Variants in GPC4 observed in about 807,000 individuals in gnomAD.
The protein encoded by GPC4 is glypican-4.
GPC4 carries 10 observed loss-of-function variants against 35.0 expected under a neutral mutation model. That is an observed-to-expected ratio of 0.29 (90% CI 0.18 to 0.48). The LOEUF (loss-of-function observed/expected upper bound fraction) is 0.48, where lower values mean the gene tolerates loss of function less well. Ranked by LOEUF, GPC4 falls within the 20% of genes least tolerant of loss-of-function variation. The pLI, the probability that GPC4 is intolerant of heterozygous loss-of-function variation, is 0.99. For missense variants in GPC4, 322 were observed against 451.3 expected (o/e 0.71, Z 2.60); for synonymous variants, 167 against 170.2 (o/e 0.98, Z 0.15).
intron 2 of GPC4, among the ~76,000 whole-genome samples, chrX:133,326,232 C>A (rs758758724): frequency 9.0e-6 from 1 of 111,212 alleles, no homozygotes; most frequent in Non-Finnish European, 1.9e-5. Flanking sequence ...AGTGAGAGGG[C>A]AGAAACTGCA....
chrX:133,313,171 A>C (rs1478758271), intron 3 of GPC4, among the ~76,000 whole-genome samples: 1 of 111,682 alleles, frequency 9.0e-6, no homozygotes, highest in Non-Finnish European at 1.9e-5. Flanking sequence ...GTTACTTTGG[A>C]TATCACTTAT....
At chrX:133,405,734 T>C (rs2124184534) in intron 1 of GPC4, among the ~76,000 whole-genome samples, 1 of 112,336 alleles carries the variant, frequency 8.9e-6, no homozygotes, top group East Asian at 2.8e-4. Flanking sequence ...ACTGGGAAAC[T>C]GGATAACCAA....
intron 1 of GPC4, among the ~76,000 whole-genome samples, chrX:133,399,032 T>A (rs1409344786): frequency 9.0e-6 from 1 of 111,052 alleles, no homozygotes; most frequent in Non-Finnish European, 1.9e-5. Context: ...ACCTGCCCAC[T>A]CGGTCACCAT....
chrX:133,323,167 G>GC, intron 3 of GPC4, among the ~76,000 whole-genome samples: 1 of 111,575 alleles, frequency 9.0e-6, no homozygotes, highest in Admixed American at 9.5e-5. Context: ...GGCCCCTAAA[G>GC]CAATATCCTG....
At chrX:133,366,019 A>G (rs766076286) in intron 1 of GPC4, among the ~76,000 whole-genome samples, 4 of 112,137 alleles carry the variant, frequency 3.6e-5, no homozygotes, top group Admixed American at 2.8e-4. Context: ...CAGAAAGGAT[A>G]TAACACTACA....
intron 7 of GPC4, among the ~76,000 whole-genome samples, chrX:133,303,614 G>C (rs1272951247): frequency 9.0e-6 from 1 of 111,114 alleles, no homozygotes; most frequent in East Asian, 2.8e-4. Context: ...CACTTTTGGA[G>C]GCTAAGGTGG....
At chrX:133,408,135 C>T in intron 1 of GPC4, among the ~76,000 whole-genome samples, 1 of 112,729 alleles carries the variant, frequency 8.9e-6, no homozygotes, top group South Asian at 3.6e-4. Context: ...CATGCATTTT[C>T]TGCACTTTCA....
intron 1 of GPC4, among the ~76,000 whole-genome samples, chrX:133,381,830 A>G (rs1351761052): frequency 1.8e-5 from 2 of 112,175 alleles, no homozygotes; most frequent in African/African-American, 6.5e-5. Flanking sequence ...TGATTTTTAG[A>G]AATGACTATG....
At chrX:133,346,346 G>A in intron 1 of GPC4, among the ~76,000 whole-genome samples, 1 of 111,454 alleles carries the variant, frequency 9.0e-6, no homozygotes, top group East Asian at 2.8e-4. Flanking sequence ...CCTGCCTCAT[G>A]TCCAAAGTTT....
At chrX:133,361,585 A>G (rs2124152135) in intron 1 of GPC4, among the ~76,000 whole-genome samples, 1 of 110,496 alleles carries the variant, frequency 9.1e-6, no homozygotes, top group African/African-American at 3.3e-5. Flanking sequence ...AAAAAACAAG[A>G]TGATTAAGTA....
rs556534461 is a variant in GPC4, at chrX:133,336,441, A to C, written c.319+2742T>G. On this transcript the variant is annotated intron_variant, in intron 2 of 8. Transcript: ENST00000370828. ...TCCCAGCTACTTGGGAGGCTGAGAC[A>C]GGAGAATCGCTTGAACCCAGGAGGC... Among the ~76,000 whole-genome samples, 16 of 110,974 alleles carry C rather than the reference A, an allele frequency of 1.4e-4. No individual in the cohort carries two copies. The South Asian group carries it at 5.9e-3, about 41-fold the overall frequency.
At chrX:133,311,124 G>T in intron 4 of GPC4, 134 bp downstream of exon 4, 1 of 580,048 alleles carries the variant, frequency 1.7e-6, no homozygotes, top group Non-Finnish European at 2.8e-6. Context: ...GTAGTTGAGC[G>T]TAGTCAGGAT....
At chrX:133,341,493 A>G (rs1043288657) in intron 1 of GPC4, among the ~76,000 whole-genome samples, 1 of 111,870 alleles carries the variant, frequency 8.9e-6, no homozygotes, top group Non-Finnish European at 1.9e-5. Context: ...ACCTGCAAAG[A>G]TTCCATTGTG....
chrX:133,323,649 C>T (rs1192548074), intron 3 of GPC4, among the ~76,000 whole-genome samples: 2 of 112,212 alleles, frequency 1.8e-5, no homozygotes, highest in East Asian at 2.8e-4. Context: ...CACTAATTGT[C>T]GTAGAAACCT....
intron 1 of GPC4, among the ~76,000 whole-genome samples, chrX:133,404,268 C>T (rs181898479): frequency 2.0e-4 from 22 of 110,418 alleles, no homozygotes; most frequent in Admixed American, 1.7e-3. Flanking sequence ...TGCAGAGGGG[C>T]CAGGTGTGGT....
chrX:133,412,887 A>T (rs1569358780), intron 1 of GPC4, among the ~76,000 whole-genome samples: 1 of 112,077 alleles, frequency 8.9e-6, no homozygotes, highest in Non-Finnish European at 1.9e-5. Context: ...CAGTTTCACA[A>T]CCCCACTCGC....
chrX:133,364,658 T>G (rs1287422920), intron 1 of GPC4, among the ~76,000 whole-genome samples: 1 of 112,483 alleles, frequency 8.9e-6, no homozygotes, highest in Admixed American at 9.4e-5. Flanking sequence ...TAGAATGAAA[T>G]AGTAAATAAG....
intron 1 of GPC4, among the ~76,000 whole-genome samples, chrX:133,362,796 T>G (rs2068574861): frequency 1.8e-5 from 2 of 112,221 alleles, no homozygotes; most frequent in Admixed American, 9.5e-5. Context: ...TGAAAGCTCG[T>G]AAACTACTTG....
intron 1 of GPC4, among the ~76,000 whole-genome samples, chrX:133,357,396 A>C (rs887821435): frequency 9.5e-6 from 1 of 105,399 alleles, no homozygotes; most frequent in Non-Finnish European, 2.0e-5. Flanking sequence ...AAAAAAAAAA[A>C]ATTTTTTTTT....
Sources: allele counts gnomAD v4.1 joint callset (sites outside exome capture counted in the v4.1 genomes callset), GRCh38; gene constraint gnomAD v4.1.1; transcripts MANE v1.5; gene names NCBI Gene and HGNC (gene_info 2026-07-23, HGNC 2026-07-21).